The following ARR3 variants were observed in gnomAD, a reference collection of about 807,000 sequenced individuals.
The protein encoded by ARR3 is arrestin 3.
A neutral mutation model predicts 35.4 loss-of-function variants in ARR3; 14 were observed. The ratio of observed to expected loss-of-function variants is 0.40; its 90% CI spans 0.26 to 0.62. The LOEUF is 0.62. Ranked by LOEUF, ARR3 falls within the 20% of genes least tolerant of loss-of-function variation. The pLI is 0.46. For missense variants in ARR3, 259 were observed against 303.8 expected (o/e 0.85, Z 1.10); for synonymous variants, 97 against 119.1 (o/e 0.81, Z 1.21).
At chrX:70,272,087 G>A (rs1205121459) in intron 5 of ARR3, among the ~76,000 whole-genome samples, 2 of 105,464 alleles carry the variant, frequency 1.9e-5, no homozygotes, top group Admixed American at 1.1e-4. Flanking sequence ...CTTCTGCCTC[G>A]CCCATCCTGA....
intron 5 of ARR3, among the ~76,000 whole-genome samples, chrX:70,274,217 T>C (rs1179753013): frequency 1.6e-4 from 16 of 101,227 alleles, no homozygotes; most frequent in African/African-American, 5.2e-4. Flanking sequence ...TTTTTTTTTT[T>C]CTGAGACAGA....
Position 70,278,118 on chromosome X carries a change from T to A in ARR3, c.747T>A (p.Thr249=). 1 of 1,208,803 alleles carries A rather than the reference T, an allele frequency of 8.3e-7. No individual in the cohort carries two copies. Among genetic ancestry groups the A allele is most frequent in the Non-Finnish European group, 1.1e-6 (1 of 894,517 alleles). ...ATTCACTAGACAAGTACACCAAGAC[T>A]GTGTTCATTCAGGAATTCACGTGAG... ...VLYSLDKYTK[T]VFIQEFTETV... is the part of the protein sequence containing the mutation. Residue 249 remains threonine (T), a synonymous_variant, in exon 11 of 17, where the codon ACT becomes ACA. Transcript: ENST00000307959.
chrX:70,281,008 G>A, intron 15 of ARR3, 91 bp from the exon 16 acceptor site: 2 of 961,769 alleles, frequency 2.1e-6, no homozygotes, highest in Admixed American at 2.7e-5. Flanking sequence ...AAGTTGGGGG[G>A]GGGGGAAGTA....
Position 70,269,668 on chromosome X carries a change from TA to T in ARR3, c.17del (p.Lys6ArgfsTer39). ...TCTGGTTTTCTCCTCATAGGGTGTT[TA>T]AGAAGACCAGCTCCAATGGGAAGGT... Reference protein sequence around the residue: MSKVFKKTSSNGKLSI... With the variant: MSKVFXKTSSNGKLSI... On this transcript the variant is annotated frameshift_variant, in exon 3 of 17. Coordinates refer to ENST00000307959, the MANE Select transcript of ARR3 (RefSeq NM_004312.3). LOFTEE classifies it high-confidence loss of function. 1 of 1,206,466 alleles carries T rather than the reference TA, an allele frequency of 8.3e-7. No homozygotes were observed. Among genetic ancestry groups the T allele is most frequent in the Non-Finnish European group, 1.1e-6 (1 of 892,484 alleles).
In ARR3 at chrX:70,277,706, C is replaced by T. The variant is rs1424983013; in HGVS notation, c.610-10C>T. The T allele has an allele frequency of 5.8e-6, 7 of 1,205,897 alleles. No individual in the cohort carries two copies. Among genetic ancestry groups the T allele is most frequent in the African/African-American group, 3.5e-5 (2 of 56,956 alleles). On this transcript the variant is annotated splice_polypyrimidine_tract_variant and intron_variant, in intron 9 of 16. Coordinates refer to ENST00000307959, the MANE Select transcript of ARR3 (RefSeq NM_004312.3). ...TCCAGCCTTGACATGGGTCCCCGCT[C>T]CTGCTTTAGGTTCACTACCACGGAG...
chrX:70,275,962 C>G, intron 5 of ARR3, 120 bp from the exon 6 acceptor site: 1 of 795,946 alleles, frequency 1.3e-6, no homozygotes, highest in Non-Finnish European at 1.8e-6. Flanking sequence ...CAGGCGTGAG[C>G]CACCGCGCCC....
At position 70,277,496 on chromosome X, in the gene ARR3, G is replaced by A; in HGVS notation, c.576G>A (p.Gln192=). Residue 192 remains glutamine (Q), a synonymous_variant, in exon 9 of 17, where the codon CAG becomes CAA. Transcript: ENST00000307959. ...TCCGCCGCTTCCTTCTGTCAGCTCA[G>A]CCCCTACAACTCCAGGCCTGGATGG... The part of the protein sequence containing the change: ...QTIRRFLLSA[Q]PLQLQAWMDR... 8.3e-7 allele frequency: 1 copy of A among 1,211,488 alleles called. No homozygotes were observed. Among genetic ancestry groups the A allele is most frequent in the Admixed American group, 2.2e-5 (1 of 46,040 alleles).
chrX:70,279,957 C>A (rs1039669593), intron 12 of ARR3, among the ~76,000 whole-genome samples: 1 of 111,313 alleles, frequency 9.0e-6, no homozygotes, highest in Admixed American at 9.5e-5. Flanking sequence ...GAAAGTCAGG[C>A]AGAGTAGTTG....
At chrX:70,270,831 A>G (rs2085627348) in intron 5 of ARR3, among the ~76,000 whole-genome samples, 1 of 111,259 alleles carries the variant, frequency 9.0e-6, no homozygotes, top group South Asian at 3.8e-4. Flanking sequence ...AACCATAGGA[A>G]GTAACACTAA....
rs1471986955 is a variant in ARR3 at position 70,277,342 on chromosome X, TC to T, written c.474-51del. 3 of 1,183,255 alleles carry T rather than the reference TC, an allele frequency of 2.5e-6. No homozygotes were observed. The African/African-American group carries it at 5.3e-5, about 21-fold the overall frequency. ...GACTATGGGGGTGGCATGGGAGAGG[TC>T]TGTGGGTCTGAAAGGAGGACGCTCT... On this transcript the variant is annotated intron_variant, in intron 8 of 16. Coordinates refer to ENST00000307959, the MANE Select transcript of ARR3 (RefSeq NM_004312.3).
At chrX:70,271,554 A>T (rs2085630130) in intron 5 of ARR3, among the ~76,000 whole-genome samples, 1 of 112,037 alleles carries the variant, frequency 8.9e-6, no homozygotes, top group Non-Finnish European at 1.9e-5. Flanking sequence ...TCTATCTGGA[A>T]TCTCTCTCTG....
intron 5 of ARR3, among the ~76,000 whole-genome samples, chrX:70,275,721 G>C (rs1213868357): frequency 1.0e-5 from 1 of 95,980 alleles, no homozygotes; most frequent in Non-Finnish European, 2.1e-5. Context: ...CCAGGCTGGA[G>C]GGCAGTGACA....
Position 70,270,162 on chromosome X carries a change from T to C in ARR3, c.145+18T>C, listed in dbSNP as rs1322788741. 10 of 1,203,253 alleles carry C rather than the reference T, an allele frequency of 8.3e-6. No individual in the cohort carries two copies. Among genetic ancestry groups the C allele is most frequent in the African/African-American group, 1.8e-5 (1 of 57,115 alleles). ...TCGAAAGTGTAAGTGGAAATCCTTG[T>C]TGGTCTTTGTATGTTTCAGACAGGT... On this transcript the variant is annotated intron_variant, in intron 5 of 16. Transcript: ENST00000307959.
At chrX:70,275,659 C>A (rs1345198885) in intron 5 of ARR3, among the ~76,000 whole-genome samples, 1 of 42,061 alleles carries the variant, frequency 2.4e-5, no homozygotes, top group Admixed American at 3.8e-4. Flanking sequence ...AGCCTTCAAT[C>A]TTTTTTTTTT....
rs780715209 is a variant in ARR3 at position 70,278,070 on chromosome X, C to A, written c.699C>A (p.Asp233Glu). The A allele has an allele frequency of 7.1e-5, 86 of 1,207,911 alleles. No homozygotes were observed. The highest frequency in any genetic ancestry group is 9.5e-5 in the Non-Finnish European group (85 of 894,057). ...TGCTTTTCCTGGCTTGTTCAGTTGA[C>A]CAGATCACAGATGTTGTCCTGTATT... ...KVIKKIKISV[D>E]QITDVVLYSL... The change falls in exon 11 of 17, where the codon GAC (aspartate) becomes GAA (glutamate). Residue 233 changes from aspartate to glutamate, a missense_variant. Asp to Glu is a conservative substitution (Grantham distance 45). Transcript: ENST00000307959.
At chrX:70,270,067 T>C (rs201503536) in intron 4 of ARR3, 33 bp from the exon 5 acceptor site, 6 of 1,207,381 alleles carry the variant, frequency 5.0e-6, no homozygotes, top group Non-Finnish European at 6.7e-6. Context: ...GAGTTTTTCC[T>C]GACCAAAGTG....
At chrX:70,273,584 A>G (rs1251064739) in intron 5 of ARR3, among the ~76,000 whole-genome samples, 6 of 112,021 alleles carry the variant, frequency 5.4e-5, no homozygotes, top group African/African-American at 1.6e-4. Context: ...TTGAGCACCT[A>G]TGAGCCTGAG....
chrX:70,280,121 T>A, intron 12 of ARR3, 74 bp from the exon 13 acceptor site: 1 of 972,867 alleles, frequency 1.0e-6, no homozygotes, highest in Non-Finnish European at 1.5e-6. Context: ...TAGGAATGCA[T>A]GAGAAGAAAC....
intron 5 of ARR3, among the ~76,000 whole-genome samples, chrX:70,272,367 AC>A (rs1407129573): frequency 8.9e-6 from 1 of 111,866 alleles, no homozygotes; most frequent in Non-Finnish European, 1.9e-5. Context: ...GTGTAACCTT[AC>A]CATCTTTAAT....
Sources: allele counts gnomAD v4.1 joint callset (sites outside exome capture counted in the v4.1 genomes callset), GRCh38; gene constraint gnomAD v4.1.1; transcripts MANE v1.5; gene names NCBI Gene and HGNC (gene_info 2026-07-23, HGNC 2026-07-21).